MACROD2: variants seen among roughly 807,000 people sequenced by gnomAD.
The protein encoded by MACROD2 is mono-ADP ribosylhydrolase 2.
A neutral mutation model predicts 70.4 loss-of-function variants in MACROD2; 36 were observed. The observed-to-expected ratio is 0.51, with a 90% CI of 0.39 to 0.68. The LOEUF (loss-of-function observed/expected upper bound fraction) is 0.68, where lower values mean the gene tolerates loss of function less well. MACROD2 is among the 30% of genes least tolerant of loss of function. The pLI is 0.00. For missense variants in MACROD2, 496 were observed against 538.4 expected, an observed-to-expected ratio of 0.92 and a Z score of 0.78; for synonymous variants, 172 against 178.8, an observed-to-expected ratio of 0.96 and a Z score of 0.30.
At chr20:15,499,331 G>C (rs1305500806) in intron 7 of MACROD2, among the ~76,000 whole-genome samples, 1 of 152,102 alleles carries the variant, frequency 6.6e-6, no homozygotes, top group Non-Finnish European at 1.5e-5. Context: ...TTCATTGGTG[G>C]AGTTCTGCTG....
chr20:14,783,192 T>C (rs1041925503), intron 5 of MACROD2, among the ~76,000 whole-genome samples: 1 of 152,154 alleles, frequency 6.6e-6, no homozygotes, highest in Admixed American at 6.5e-5. Flanking sequence ...TTCTAAATCC[T>C]CTTTCTAAAT....
At chr20:14,495,249 G>T (rs2084840569) in intron 4 of MACROD2, among the ~76,000 whole-genome samples, 1 of 152,126 alleles carries the variant, frequency 6.6e-6, no homozygotes, top group African/African-American at 2.4e-5. Context: ...CAGAGACTCA[G>T]CTCTTACTTT....
intron 6 of MACROD2, among the ~76,000 whole-genome samples, chr20:15,322,758 G>C (rs2077885978): frequency 6.9e-6 from 1 of 144,136 alleles, no homozygotes; most frequent in South Asian, 2.3e-4. Flanking sequence ...AGTTGTATGA[G>C]ACTTCAGGGA....
At chr20:15,019,589 A>G (rs2075148573) in intron 5 of MACROD2, among the ~76,000 whole-genome samples, 1 of 152,192 alleles carries the variant, frequency 6.6e-6, no homozygotes, top group African/African-American at 2.4e-5. Flanking sequence ...TTAATGTCCA[A>G]GGGTGGAGTT....
chr20:14,077,444 C>T (rs899201086), intron 2 of MACROD2, among the ~76,000 whole-genome samples: 4 of 152,132 alleles, frequency 2.6e-5, no homozygotes, highest in Admixed American at 1.3e-4. Flanking sequence ...TTACAGCTGT[C>T]TCCTTAAGTT....
intron 4 of MACROD2, among the ~76,000 whole-genome samples, chr20:14,643,545 C>G (rs1156925795): frequency 6.6e-6 from 1 of 152,130 alleles, no homozygotes; most frequent in African/African-American, 2.4e-5. Flanking sequence ...TAGGAGCATT[C>G]ACAAATTTAA....
chr20:14,857,581 A>G (rs1005358033), intron 5 of MACROD2, among the ~76,000 whole-genome samples: 1 of 152,174 alleles, frequency 6.6e-6, no homozygotes, highest in Non-Finnish European at 1.5e-5. Context: ...TGTTGACACT[A>G]CAAGTTATAA....
chr20:14,213,927 A>G (rs1215107262), intron 3 of MACROD2, among the ~76,000 whole-genome samples: 4 of 152,100 alleles, frequency 2.6e-5, no homozygotes, highest in Non-Finnish European at 4.4e-5. Flanking sequence ...AGTGCATTTA[A>G]TGGGAATATG....
At chr20:14,820,716 CT>C (rs945520513) in intron 5 of MACROD2, among the ~76,000 whole-genome samples, 11 of 152,000 alleles carry the variant, frequency 7.2e-5, no homozygotes, top group Middle Eastern at 3.4e-3. Context: ...CCGTTACATT[CT>C]TTTTTTCCCC....
chr20:14,204,499 T>G (rs1215549778), intron 3 of MACROD2, among the ~76,000 whole-genome samples: 1 of 152,160 alleles, frequency 6.6e-6, no homozygotes, highest in Non-Finnish European at 1.5e-5. Context: ...TGTGACCCAG[T>G]GTGAACTCCT....
intron 13 of MACROD2, among the ~76,000 whole-genome samples, chr20:15,970,703 G>A (rs1238155218): frequency 6.6e-6 from 1 of 152,140 alleles, no homozygotes; most frequent in Non-Finnish European, 1.5e-5. Flanking sequence ...CTCCACAAAC[G>A]GAATGCTCAG....
chr20:14,983,237 T>G (rs755524245), intron 5 of MACROD2, among the ~76,000 whole-genome samples: 6 of 152,280 alleles, frequency 3.9e-5, no homozygotes, highest in Non-Finnish European at 8.8e-5. Context: ...ATAACTAACT[T>G]GCTTTTGATT....
intron 3 of MACROD2, among the ~76,000 whole-genome samples, chr20:14,122,669 CTCTT>C (rs1161006760): frequency 1.3e-5 from 2 of 152,132 alleles, no homozygotes; most frequent in Admixed American, 6.5e-5. Context: ...TTCCAACAAA[CTCTT>C]TCTTTGCTTC....
intron 10 of MACROD2, among the ~76,000 whole-genome samples, chr20:15,898,632 CTG>C (rs2065013283): frequency 6.7e-6 from 1 of 149,848 alleles, no homozygotes; most frequent in East Asian, 2.0e-4. Flanking sequence ...GTCCTGTAAT[CTG>C]TGTTCTCAAA....
intron 8 of MACROD2, among the ~76,000 whole-genome samples, chr20:15,594,470 G>T (rs749328424): frequency 7.2e-5 from 11 of 152,112 alleles, no homozygotes; most frequent in Non-Finnish European, 1.6e-4. Context: ...CCTTGGGTGG[G>T]GTTACTGGGC....
intron 5 of MACROD2, among the ~76,000 whole-genome samples, chr20:15,197,334 A>G (rs953985132): frequency 1.3e-5 from 2 of 152,040 alleles, no homozygotes; most frequent in Admixed American, 1.3e-4. Context: ...GTATATATAT[A>G]TATGTGTTTT....
intron 3 of MACROD2, among the ~76,000 whole-genome samples, chr20:14,396,989 C>CTT (rs372145747): frequency 0.053 from 5,128 of 97,018 alleles, 237 homozygotes; most frequent in African/African-American, 0.062. Context: ...AGACCATTTA[C>CTT]TTTTTTTTTT....
intron 4 of MACROD2, among the ~76,000 whole-genome samples, chr20:14,543,631 A>C (rs2085459160): frequency 6.6e-6 from 1 of 152,218 alleles, no homozygotes; most frequent in Non-Finnish European, 1.5e-5. Context: ...TAGAACTATT[A>C]AAAGTAACTT....
intron 15 of MACROD2, among the ~76,000 whole-genome samples, chr20:15,999,018 T>G (rs2066672575): frequency 6.6e-6 from 1 of 152,142 alleles, no homozygotes; most frequent in South Asian, 2.1e-4. Flanking sequence ...CAGTCCTAAA[T>G]TTTTACCATT....
Sources: gnomAD v4.1 joint callset for allele counts (sites outside exome capture counted in the v4.1 genomes callset) on GRCh38, gnomAD v4.1.1 for gene constraint, MANE v1.5 for transcripts, NCBI Gene and HGNC (gene_info 2026-07-23, HGNC 2026-07-21) for gene names.